The following SRC variants were observed in gnomAD, a reference collection of about 807,000 sequenced individuals.
SRC encodes the protein SRC proto-oncogene, non-receptor tyrosine kinase.
A neutral mutation model predicts 62.9 loss-of-function variants in SRC; 13 were observed. That is an observed-to-expected ratio of 0.21 (90% CI 0.13 to 0.33). The LOEUF (loss-of-function observed/expected upper bound fraction) is 0.33, where lower values mean the gene tolerates loss of function less well. SRC is among the 10% of genes least tolerant of loss of function. The pLI is 1.00. For synonymous variants in SRC, 302 were observed against 317.5 expected (o/e 0.95, Z 0.52); for missense variants, 457 against 737.3 (o/e 0.62, Z 4.40).
chr20:37,396,259 C>T lies in SRC; in HGVS notation c.651C>T (p.Ile217=). 6.2e-7 allele frequency: 1 copy of T among 1,613,966 alleles called. No homozygotes were observed. The highest frequency in any genetic ancestry group is 8.5e-7 in the Non-Finnish European group (1 of 1,179,982). Residue 217 remains isoleucine (I), a synonymous_variant, in exon 8 of 14, where the codon ATC becomes ATT. Transcript: ENST00000373578. This position sits in a 1 kb window ranked among gnomAD's most constrained non-coding sequence, Gnocchi z 6.1. ...AGCTGGACAGCGGCGGCTTCTACAT[C>T]ACCTCCCGCACCCAGTTCAACAGCC... ...IRKLDSGGFY[I]TSRTQFNSLQ...
chr20:37,374,025 A>C (rs982560376), intron 2 of SRC, among the ~76,000 whole-genome samples: 18 of 139,912 alleles, frequency 1.3e-4, no homozygotes, highest in African/African-American at 4.8e-4. Context: ...GTTAAAAAAA[A>C]CTTGGGTTTT....
In SRC at chr20:37,384,211, C is replaced by G. The variant is rs753143221; in HGVS notation, c.58C>G (p.Pro20Ala). ...CAGCCAGCGGCGCCGCAGCCTGGAG[C>G]CCGCCGAGAACGTGCACGGCGCTGG... is the stretch of plus-strand genomic sequence containing the variant. Reference protein sequence around the residue: ...DASQRRRSLEPAENVHGAGGG... With the variant: ...DASQRRRSLEAAENVHGAGGG... Residue 20 changes from proline to alanine, a missense_variant, in exon 4 of 14, where the codon CCC becomes GCC. Around this residue, in one of 4 missense-constraint regions of SRC, gnomAD observed 132 missense variants for 135.4 expected, o/e 0.98. Transcript: ENST00000373578. The surrounding 1 kb of genome is among the most constrained non-coding windows in gnomAD (Gnocchi z 6.7). 3.8e-6 allele frequency: 6 copies of G among 1,596,106 alleles called. No individual in the cohort carries two copies. The Admixed American group carries it at 1.0e-4, about 27-fold the overall frequency.
chr20:37,360,372 T>C (rs1245251567), intron 1 of SRC, among the ~76,000 whole-genome samples: 1 of 151,826 alleles, frequency 6.6e-6, no homozygotes, highest in African/African-American at 2.4e-5. Flanking sequence ...TACAGGCGCA[T>C]ACCACCCCAC....
At chr20:37,371,682 T>C (rs938805689) in intron 2 of SRC, among the ~76,000 whole-genome samples, 3 of 152,230 alleles carry the variant, frequency 2.0e-5, no homozygotes, top group South Asian at 4.2e-4. Context: ...TGATTTGAAA[T>C]CTTTCTTATT....
chr20:37,373,173 C>T (rs1338668698), intron 2 of SRC, among the ~76,000 whole-genome samples: 2 of 140,782 alleles, frequency 1.4e-5, no homozygotes, highest in Non-Finnish European at 3.0e-5. Context: ...CATATATGTA[C>T]ACACATACAC....
intron 1 of SRC, among the ~76,000 whole-genome samples, chr20:37,359,872 G>A (rs1049165227): frequency 1.1e-4 from 17 of 152,126 alleles, no homozygotes; most frequent in African/African-American, 2.9e-4. Flanking sequence ...CAGTCTGGGC[G>A]TAGTTATTGG....
chr20:37,399,505 C>T (rs1309940745), intron 9 of SRC, among the ~76,000 whole-genome samples: 1 of 151,960 alleles, frequency 6.6e-6, no homozygotes, highest in Non-Finnish European at 1.5e-5. Flanking sequence ...GAGTTGGAAC[C>T]TTGGTCCCCT....
rs2147116629 is a variant in SRC, at chr20:37,400,199, A to G, written c.944A>G (p.Gln315Arg). ...MSPEAFLQEA[Q>R]VMKKLRHEKL... ...CCAGAGGCCTTCCTGCAGGAGGCCC[A>G]GGTCATGAAGAAGCTGAGGCATGAG... Residue 315 changes from glutamine (Q) to arginine (R), a missense_variant, in exon 10 of 14, where the codon CAG becomes CGG. This residue lies in a region of SRC where 168 missense variants were observed against 357.8 expected (regional missense o/e 0.47). Transcript: ENST00000373578. 1 of 1,614,140 alleles carries G rather than the reference A, an allele frequency of 6.2e-7. No individual in the cohort carries two copies. The highest frequency in any genetic ancestry group is 8.5e-7 in the Non-Finnish European group (1 of 1,179,980).
intron 1 of SRC, among the ~76,000 whole-genome samples, chr20:37,359,255 A>T (rs893624880): frequency 2.0e-5 from 3 of 152,228 alleles, no homozygotes; most frequent in South Asian, 4.1e-4. Context: ...CCATCCCACA[A>T]ATATTTTCTG....
At chr20:37,379,883 G>C (rs1406991565) in intron 2 of SRC, among the ~76,000 whole-genome samples, 3 of 114,828 alleles carry the variant, frequency 2.6e-5, no homozygotes, top group African/African-American at 1.1e-4. Context: ...GCAATAGAGT[G>C]AGACTCCATT....
intron 5 of SRC, among the ~76,000 whole-genome samples, chr20:37,387,063 C>T (rs1017707284): frequency 6.6e-6 from 1 of 152,200 alleles, no homozygotes; most frequent in African/African-American, 2.4e-5. Context: ...AGGGGGCTGA[C>T]GCCTTCACGG....
chr20:37,355,255 G>A (rs1186442365), intron 1 of SRC, among the ~76,000 whole-genome samples: 1 of 148,152 alleles, frequency 6.7e-6, no homozygotes, highest in East Asian at 2.1e-4. Context: ...ACCCCGCCAG[G>A]TGTTCCCGAA....
chr20:37,397,260 C>G lies in SRC; in HGVS notation c.704-439C>G, dbSNP rs1483762309. Among the ~76,000 whole-genome samples, 1 of 152,202 alleles carries G rather than the reference C, an allele frequency of 6.6e-6. No homozygotes were observed. The highest frequency in any genetic ancestry group is 2.4e-5 in the African/African-American group (1 of 41,454). ...GAGGGCTCTTCCCTACTTAACCCCT[C>G]ACCGTCCTGCACATCCAAGCTCAGT... On this transcript the variant is annotated intron_variant, in intron 8 of 13. Coordinates refer to ENST00000373578, the MANE Select transcript of SRC (RefSeq NM_198291.3). This position sits in a 1 kb window ranked among gnomAD's most constrained non-coding sequence, Gnocchi z 4.1.
chr20:37,353,669 C>T (rs1210068194), intron 1 of SRC, among the ~76,000 whole-genome samples: 2 of 152,170 alleles, frequency 1.3e-5, no homozygotes, highest in African/African-American at 2.4e-5. Flanking sequence ...AGAGGAAGCT[C>T]AGGAGCCAGG....
chr20:37,372,848 TTTTC>T (rs2146988077), intron 2 of SRC, among the ~76,000 whole-genome samples: 1 of 152,280 alleles, frequency 6.6e-6, no homozygotes, highest in East Asian at 1.9e-4. Context: ...TTGCAATTAT[TTTTC>T]TTTGTTTGTC....
At chr20:37,344,937 A>T (rs2069697517), upstream of SRC, 1 of 152,324 alleles carries the variant, frequency 6.6e-6, no homozygotes. Context: ...CCCACAGCAG[A>T]GGGGCAGCTA....
Position 37,403,815 on chromosome 20 carries a change from G to A in SRC, c.*436G>A. On this transcript the variant is annotated 3_prime_UTR_variant, in exon 14 of 14. Transcript: ENST00000373578. The surrounding 1 kb of genome is among the most constrained non-coding windows in gnomAD (Gnocchi z 7.1). ...GAGCCTTTCCAAAGAGGAGCGATGG[G>A]CCCCTGGCCCCGCCTGCCTGCCACC... The A allele has an allele frequency of 3.8e-6, 1 of 260,338 alleles. No homozygotes were observed. The highest frequency in any genetic ancestry group is 5.5e-5 in the East Asian group (1 of 18,274). 16.1% of individuals were successfully genotyped at this position (260,338 alleles called of 1,614,324 possible).
intron 2 of SRC, among the ~76,000 whole-genome samples, chr20:37,368,054 A>C (rs2070092671): frequency 6.6e-6 from 1 of 152,168 alleles, no homozygotes; most frequent in African/African-American, 2.4e-5. Flanking sequence ...GGAAAACAGA[A>C]GTTTTTAATT....
At position 37,402,171 on chromosome 20, in the gene SRC, C is replaced by T. The variant is rs138681032; in HGVS notation, c.1117-264C>T. 870 of 436,274 alleles carry T rather than the reference C, an allele frequency of 2.0e-3. 25 individuals are homozygous for T. The East Asian group carries it at 0.035, about 17-fold the overall frequency. The allele number at this position is 436,274 out of a possible 1,614,324, so 27.0% of individuals were successfully genotyped here. ...CTGGGGCCTCTTTCCCTGGTCACCT[C>T]GCTTTCCTGGCTGCATCGGATCTCG... On this transcript the variant is annotated intron_variant, in intron 11 of 13. Coordinates refer to ENST00000373578, the MANE Select transcript of SRC (RefSeq NM_198291.3). The surrounding 1 kb of genome is among the most constrained non-coding windows in gnomAD (Gnocchi z 6.2).
Sources: allele counts gnomAD v4.1 joint callset (sites outside exome capture counted in the v4.1 genomes callset), GRCh38; gene constraint gnomAD v4.1.1; regional missense constraint gnomAD v4.1.1; non-coding constraint Gnocchi (gnomAD v3.1); transcripts MANE v1.5; gene names NCBI Gene and HGNC (gene_info 2026-07-23, HGNC 2026-07-21).